The following ACTL8 variants were observed in gnomAD, a reference collection of about 807,000 sequenced individuals.
ACTL8 encodes actin like 8.
In ACTL8, 3 loss-of-function variants were observed where a neutral mutation model predicts 9.3. That is an observed-to-expected ratio of 0.32 (90% CI 0.15 to 0.83). The LOEUF (loss-of-function observed/expected upper bound fraction) is 0.83. ACTL8 is among the 40% of genes least tolerant of loss of function. The pLI, the probability that ACTL8 is intolerant of heterozygous loss-of-function variation, is 0.57. For missense variants in ACTL8, 381 were observed against 492.2 expected (o/e 0.77, Z 2.14); for synonymous variants, 224 against 205.9 (o/e 1.09, Z -0.75).
chr1:17,780,081 C>T (rs948833317), intron 1 of ACTL8, among the ~76,000 whole-genome samples: 2 of 152,042 alleles, frequency 1.3e-5, no homozygotes, highest in African/African-American at 2.4e-5. Flanking sequence ...GTGGTGTGCA[C>T]CTGCAGTCCC....
intron 1 of ACTL8, among the ~76,000 whole-genome samples, chr1:17,809,268 A>G (rs1446999013): frequency 1.3e-5 from 2 of 152,168 alleles, no homozygotes; most frequent in Non-Finnish European, 2.9e-5. Flanking sequence ...AATAAGTGCT[A>G]TGACAATAAT....
intron 1 of ACTL8, among the ~76,000 whole-genome samples, chr1:17,802,452 T>TGTGTGTGTGTGTGTGTGTGTGTG (rs2066328445): frequency 2.0e-5 from 3 of 147,542 alleles, no homozygotes; most frequent in African/African-American, 7.5e-5. Context: ...TGTGTGTGTG[T>TGTGTGTGTGTGTGTGTGTGTGTG]TGGAGGGCAG....
chr1:17,785,194 T>C lies in ACTL8; in HGVS notation c.-25+29690T>C, dbSNP rs146583965. Among the ~76,000 whole-genome samples the C allele has an allele frequency of 2.6e-5, 4 of 152,338 alleles. No individual in the cohort carries two copies. The East Asian group carries it at 7.7e-4, about 29-fold the overall frequency. ...TATCAGGTACCCAGAAGAGCCAGTCTATATGATTGTTGGGCTACTTACTAG... is the reference window on the plus strand; with the variant it reads ...TATCAGGTACCCAGAAGAGCCAGTCCATATGATTGTTGGGCTACTTACTAG... On this transcript the variant is annotated intron_variant, in intron 1 of 2. Coordinates refer to ENST00000375406, the MANE Select transcript of ACTL8 (RefSeq NM_030812.3).
chr1:17,778,033 A>G (rs1371923736), intron 1 of ACTL8, among the ~76,000 whole-genome samples: 2 of 152,104 alleles, frequency 1.3e-5, no homozygotes, highest in Non-Finnish European at 2.9e-5. Flanking sequence ...TTGTCATGCC[A>G]TGTACTGTGG....
At chr1:17,788,260 GTCT>G (rs1340152707) in intron 1 of ACTL8, among the ~76,000 whole-genome samples, 2 of 152,310 alleles carry the variant, frequency 1.3e-5, no homozygotes, top group East Asian at 1.9e-4. Context: ...AAAAATCTGT[GTCT>G]TCTTCTGCAG....
rs117259859 is a variant in ACTL8 at position 17,776,674 on chromosome 1, A to C, written c.-25+21170A>C. ...CCATCTGCAAACTTGGCAGTGTCAC[A>C]TACGTTCCTGTACCCAGCTTGCTCA... On this transcript the variant is annotated intron_variant, in intron 1 of 2. Transcript: ENST00000375406. 8.5e-5 allele frequency among the ~76,000 whole-genome samples: 13 copies of C among 152,212 alleles called. No homozygotes were observed. In the East Asian group the frequency reaches 2.5e-3, roughly 30 times the overall value.
chr1:17,822,101 A>G (rs1465783064), intron 1 of ACTL8, among the ~76,000 whole-genome samples: 1 of 152,128 alleles, frequency 6.6e-6, no homozygotes, highest in Non-Finnish European at 1.5e-5. Context: ...AGTCTCCCTT[A>G]TCATCAGGTG....
chr1:17,820,209 C>T (rs2053641455), intron 1 of ACTL8, among the ~76,000 whole-genome samples: 1 of 152,078 alleles, frequency 6.6e-6, no homozygotes, highest in South Asian at 2.1e-4. Context: ...TGATTTTGGT[C>T]CTTATAGTTT....
intron 1 of ACTL8, among the ~76,000 whole-genome samples, chr1:17,800,687 C>G (rs549306092): frequency 6.4e-4 from 96 of 149,686 alleles, no homozygotes; most frequent in African/African-American, 2.3e-3. Flanking sequence ...CCTCTGCACC[C>G]GGGTTCAATC....
At chr1:17,819,224 C>T (rs1219342855) in intron 1 of ACTL8, among the ~76,000 whole-genome samples, 1 of 152,226 alleles carries the variant, frequency 6.6e-6, no homozygotes, top group East Asian at 1.9e-4. Context: ...GTCACCTGCT[C>T]TCAGCAGGGC....
At chr1:17,782,189 G>A (rs975455651) in intron 1 of ACTL8, among the ~76,000 whole-genome samples, 1 of 152,030 alleles carries the variant, frequency 6.6e-6, no homozygotes, top group Non-Finnish European at 1.5e-5. Flanking sequence ...TCCAGTTAGG[G>A]TACCTTGCTA....
At chr1:17,765,974 G>C (rs1160504257) in intron 1 of ACTL8, among the ~76,000 whole-genome samples, 1 of 152,228 alleles carries the variant, frequency 6.6e-6, no homozygotes, top group Non-Finnish European at 1.5e-5. Context: ...CCAACTTCCT[G>C]TGGCCTGCCC....
At chr1:17,821,715 G>A (rs1285253032) in intron 1 of ACTL8, among the ~76,000 whole-genome samples, 2 of 151,872 alleles carry the variant, frequency 1.3e-5, no homozygotes, top group Admixed American at 6.6e-5. Flanking sequence ...TGCAACATCC[G>A]CCTCCCGGTT....
At chr1:17,756,599 A>G (rs1422853879) in intron 1 of ACTL8, among the ~76,000 whole-genome samples, 2 of 152,174 alleles carry the variant, frequency 1.3e-5, no homozygotes, top group African/African-American at 2.4e-5. Flanking sequence ...AAATCACTGT[A>G]TGGTGTCCTT....
chr1:17,758,219 C>A (rs1198416934), intron 1 of ACTL8, among the ~76,000 whole-genome samples: 2 of 152,174 alleles, frequency 1.3e-5, no homozygotes, highest in African/African-American at 4.8e-5. Context: ...TACCGAGGGG[C>A]AGCACTTCAC....
At chr1:17,769,818 A>G (rs754989259) in intron 1 of ACTL8, among the ~76,000 whole-genome samples, 7 of 152,246 alleles carry the variant, frequency 4.6e-5, no homozygotes, top group Non-Finnish European at 1.0e-4. Flanking sequence ...AAGAAAATCC[A>G]GAAATCTGAA....
At chr1:17,785,660 C>G (rs537091115) in intron 1 of ACTL8, among the ~76,000 whole-genome samples, 47 of 152,288 alleles carry the variant, frequency 3.1e-4, no homozygotes, top group African/African-American at 2.4e-5. Context: ...TAGTTGTTAG[C>G]TAGTTTATAT....
At chr1:17,773,914 A>G (rs2066099753) in intron 1 of ACTL8, among the ~76,000 whole-genome samples, 1 of 152,254 alleles carries the variant, frequency 6.6e-6, no homozygotes, top group African/African-American at 2.4e-5. Context: ...GCAGGGCCAC[A>G]GAGGGTGCAC....
At chr1:17,814,495 C>G (rs780581151) in intron 1 of ACTL8, among the ~76,000 whole-genome samples, 5 of 151,094 alleles carry the variant, frequency 3.3e-5, no homozygotes, top group Non-Finnish European at 5.9e-5. Context: ...AGTACAATAA[C>G]ACGCCATACC....
Sources: gnomAD v4.1 joint callset for allele counts (sites outside exome capture counted in the v4.1 genomes callset) on GRCh38, gnomAD v4.1.1 for gene constraint, MANE v1.5 for transcripts, NCBI Gene and HGNC (gene_info 2026-07-23, HGNC 2026-07-21) for gene names.